Variants in EYS observed in about 807,000 individuals in gnomAD.
The protein encoded by EYS is EGF-like photoreceptor maintenance factor, also known as protein eyes shut homolog.
A neutral mutation model predicts 282.1 loss-of-function variants in EYS; 250 were observed. The ratio of observed to expected loss-of-function variants is 0.89; its 90% CI spans 0.80 to 0.98. EYS has a LOEUF of 0.98. Ranked by LOEUF, EYS falls within the 50% of genes least tolerant of loss-of-function variation. The probability of loss-of-function intolerance (pLI) is 0.00; values close to 1 mark genes in which losing one functional copy is unlikely to be tolerated. For synonymous variants in EYS, 1,355 were observed against 1,282.9 expected, an observed-to-expected ratio of 1.06 and a Z score of -1.20; for missense variants, 4,016 against 3,709.0, an observed-to-expected ratio of 1.08 and a Z score of -2.15.
At chr6:65,243,299 C>CT (rs71724654) in intron 12 of EYS, among the ~76,000 whole-genome samples, 6,664 of 152,232 alleles carry the variant, frequency 0.044, 192 homozygotes, top group Middle Eastern at 0.065. Flanking sequence ...TTTTGGTTTT[C>CT]TAGTACATAT....
At chr6:64,704,643 A>T (rs1770937806) in intron 22 of EYS, among the ~76,000 whole-genome samples, 1 of 151,592 alleles carries the variant, frequency 6.6e-6, no homozygotes, top group East Asian at 1.9e-4. Flanking sequence ...CAAGTGAAAT[A>T]TCGGTTATGA....
At chr6:63,954,500 C>A (rs1765728627) in intron 35 of EYS, among the ~76,000 whole-genome samples, 1 of 152,164 alleles carries the variant, frequency 6.6e-6, no homozygotes, top group Non-Finnish European at 1.5e-5. Context: ...ATGTAAGGGT[C>A]CCCCATCATT....
At chr6:63,976,444 C>A (rs1766841509) in intron 35 of EYS, among the ~76,000 whole-genome samples, 1 of 151,918 alleles carries the variant, frequency 6.6e-6, no homozygotes, top group South Asian at 2.1e-4. Flanking sequence ...TTAATTAGAC[C>A]AGGACTCTGT....
chr6:64,871,899 A>C (rs191583150), intron 19 of EYS, among the ~76,000 whole-genome samples: 1 of 152,192 alleles, frequency 6.6e-6, no homozygotes. Context: ...ATTGACAACA[A>C]AGAATTTGAA....
At chr6:64,312,130 C>T (rs1034587264) in intron 29 of EYS, among the ~76,000 whole-genome samples, 1 of 152,082 alleles carries the variant, frequency 6.6e-6, no homozygotes, top group Non-Finnish European at 1.5e-5. Flanking sequence ...GATCCAGTGG[C>T]CTGAAATTCT....
At chr6:64,450,592 A>T (rs1211418708) in intron 26 of EYS, among the ~76,000 whole-genome samples, 1 of 152,196 alleles carries the variant, frequency 6.6e-6, no homozygotes, top group Non-Finnish European at 1.5e-5. Flanking sequence ...TCCAAAATTG[A>T]CCACATACTT....
intron 35 of EYS, among the ~76,000 whole-genome samples, chr6:63,933,110 T>C (rs1299102283): frequency 6.6e-6 from 1 of 152,258 alleles, no homozygotes; most frequent in Admixed American, 6.5e-5. Flanking sequence ...GAAAGGGGCA[T>C]GGAGCTTCCA....
At chr6:65,391,399 G>C (rs899064433) in intron 7 of EYS, among the ~76,000 whole-genome samples, 4 of 151,788 alleles carry the variant, frequency 2.6e-5, no homozygotes, top group Non-Finnish European at 5.9e-5. Context: ...TTAAATTTCA[G>C]AATGATTGAT....
At chr6:65,242,424 G>T (rs1008411407) in intron 12 of EYS, among the ~76,000 whole-genome samples, 23 of 152,038 alleles carry the variant, frequency 1.5e-4, no homozygotes, top group Admixed American at 1.4e-3. Flanking sequence ...ATTTTTTAAG[G>T]TTAGTCCATT....
chr6:65,354,354 A>G (rs1857421), intron 8 of EYS, among the ~76,000 whole-genome samples: 102,358 of 151,864 alleles, frequency 0.67, 34,595 homozygotes, highest in South Asian at 0.71. Context: ...GCAGAGAAAA[A>G]CACAGCTGAG....
At chr6:65,318,194 C>T (rs1400866202) in intron 11 of EYS, among the ~76,000 whole-genome samples, 2 of 151,022 alleles carry the variant, frequency 1.3e-5, no homozygotes, top group Admixed American at 6.6e-5. Flanking sequence ...TTTTACCGTG[C>T]AGTCCTCTCC....
intron 1 of EYS, among the ~76,000 whole-genome samples, chr6:65,667,028 G>T (rs1348343526): frequency 3.3e-5 from 5 of 150,718 alleles, no homozygotes; most frequent in Admixed American, 6.6e-5. Context: ...GTAAGTTCTA[G>T]GTACTAACAA....
chr6:65,443,636 G>A (rs1262393189), intron 5 of EYS, among the ~76,000 whole-genome samples: 1 of 144,522 alleles, frequency 6.9e-6, no homozygotes, highest in Non-Finnish European at 1.6e-5. Context: ...CATGTGTAGA[G>A]GCACATATAT....
At chr6:65,115,270 A>G (rs1775334079) in intron 12 of EYS, among the ~76,000 whole-genome samples, 1 of 152,088 alleles carries the variant, frequency 6.6e-6, no homozygotes, top group Non-Finnish European at 1.5e-5. Context: ...GTATCATAAT[A>G]TACCTTTCCT....
intron 18 of EYS, among the ~76,000 whole-genome samples, chr6:64,896,168 G>C (rs1412541187): frequency 6.6e-6 from 1 of 152,146 alleles, no homozygotes; most frequent in East Asian, 1.9e-4. Flanking sequence ...GAATAGCTCA[G>C]GTCTGCAGCT....
intron 28 of EYS, among the ~76,000 whole-genome samples, chr6:64,392,090 T>G (rs910549905): frequency 6.6e-6 from 1 of 151,898 alleles, no homozygotes; most frequent in African/African-American, 2.4e-5. Flanking sequence ...CCTAAATATA[T>G]ATGCACCCAA....
chr6:65,420,460 A>G (rs1767413259), intron 5 of EYS, among the ~76,000 whole-genome samples: 1 of 151,942 alleles, frequency 6.6e-6, no homozygotes, highest in Non-Finnish European at 1.5e-5. Flanking sequence ...TGTTCTTGCT[A>G]TTTCCACTAC....
chr6:65,376,409 C>T lies in EYS; in HGVS notation c.1299+7977G>A, dbSNP rs369427744. On this transcript the variant is annotated intron_variant, in intron 8 of 42. Coordinates refer to ENST00000503581, the MANE Select transcript of EYS (RefSeq NM_001142800.2). ...TATAGAAAGGAAAAACTGATACCAG[C>T]CACTGCAAAAACATACTAAAATATA... 3.3e-4 allele frequency among the ~76,000 whole-genome samples: 50 copies of T among 152,238 alleles called. No homozygotes were observed. In the South Asian group the frequency reaches 9.8e-3, roughly 30 times the overall value.
chr6:63,824,698 TAGAG>T (rs1466896648), intron 36 of EYS, among the ~76,000 whole-genome samples: 1 of 152,022 alleles, frequency 6.6e-6, no homozygotes, highest in East Asian at 1.9e-4. Flanking sequence ...CAAGTCAAGT[TAGAG>T]AGCCGAGCCA....
Sources: gnomAD v4.1 joint callset for allele counts (sites outside exome capture counted in the v4.1 genomes callset) on GRCh38, gnomAD v4.1.1 for gene constraint, MANE v1.5 for transcripts, NCBI Gene and HGNC (gene_info 2026-07-23, HGNC 2026-07-21) for gene names.